WNT5B: variants seen among roughly 807,000 people sequenced by gnomAD.
The protein encoded by WNT5B is Wnt family member 5B, also known as protein Wnt-5b.
A neutral mutation model predicts 36.5 loss-of-function variants in WNT5B; 18 were observed. The ratio of observed to expected loss-of-function variants is 0.49; its 90% CI spans 0.34 to 0.73. The LOEUF (loss-of-function observed/expected upper bound fraction) is 0.73. Ranked by LOEUF, WNT5B falls within the 30% of genes least tolerant of loss-of-function variation. WNT5B has a pLI of 0.01. For missense variants in WNT5B, 424 were observed against 508.4 expected (o/e 0.83, Z 1.60); for synonymous variants, 213 against 212.3 (o/e 1.00, Z -0.03).
At chr12:1,640,727 G>T (rs1463434125) in intron 4 of WNT5B, among the ~76,000 whole-genome samples, 1 of 152,184 alleles carries the variant, frequency 6.6e-6, no homozygotes, top group Admixed American at 6.5e-5. Flanking sequence ...CCTGCACCTT[G>T]TTCCTGAAAA....
chr12:1,643,948 T>G (rs902461931), intron 4 of WNT5B, among the ~76,000 whole-genome samples: 14 of 152,114 alleles, frequency 9.2e-5, no homozygotes, highest in Non-Finnish European at 2.1e-4. Context: ...TTTGTTTTCC[T>G]AAAATTCTGG....
chr12:1,645,696 G>A (rs564970954), intron 4 of WNT5B, 98 bp from the exon 5 acceptor site: 35 of 1,128,528 alleles, frequency 3.1e-5, no homozygotes, highest in Middle Eastern at 5.5e-4. Flanking sequence ...CTACCCTACC[G>A]GCCCCTCCTG....
chr12:1,640,737 A>AC (rs1209347845), intron 4 of WNT5B, among the ~76,000 whole-genome samples: 1 of 151,466 alleles, frequency 6.6e-6, no homozygotes, highest in African/African-American at 2.4e-5. Context: ...GTTCCTGAAA[A>AC]CCCCCCCTCT....
intron 3 of WNT5B, among the ~76,000 whole-genome samples, chr12:1,634,547 G>A (rs973360201): frequency 2.6e-5 from 4 of 152,152 alleles, no homozygotes; most frequent in Non-Finnish European, 5.9e-5. Flanking sequence ...AAACCCTGTC[G>A]AAGAGAGCCC....
upstream of WNT5B, chr12:1,629,059 A>C (rs1453216022): frequency 6.6e-6 from 1 of 151,188 alleles, no homozygotes; most frequent in Non-Finnish European, 1.5e-5. Context: ...AAAAAAAAAA[A>C]CATTTTTAAT....
At chr12:1,640,865 A>G (rs2094573759) in intron 4 of WNT5B, among the ~76,000 whole-genome samples, 1 of 152,164 alleles carries the variant, frequency 6.6e-6, no homozygotes, top group Non-Finnish European at 1.5e-5. Flanking sequence ...CTGCATAGCC[A>G]GTGTTGACAG....
At position 1,644,532 on chromosome 12, in the gene WNT5B, C is replaced by A. The variant is rs1028322636; in HGVS notation, c.622-1262C>A. ...CTGATGATGGCTGTGCTGTCTCTTG[C>A]ACCTGCAGTGGTCTCTGCTTAGCTC... On this transcript the variant is annotated intron_variant, in intron 4 of 4. Coordinates refer to ENST00000397196, the MANE Select transcript of WNT5B (RefSeq NM_032642.3). The surrounding 1 kb of genome is among the most constrained non-coding windows in gnomAD (Gnocchi z 5.1). 3.9e-5 allele frequency among the ~76,000 whole-genome samples: 6 copies of A among 152,232 alleles called. No individual in the cohort carries two copies. The highest frequency in any genetic ancestry group is 7.3e-5 in the Non-Finnish European group (5 of 68,036).
chr12:1,641,705 G>T (rs928181512), intron 4 of WNT5B, among the ~76,000 whole-genome samples: 8 of 151,722 alleles, frequency 5.3e-5, no homozygotes, highest in African/African-American at 1.9e-4. Context: ...TTGGGAGGCC[G>T]AGGCAGGAGA....
intron 1 of WNT5B, among the ~76,000 whole-genome samples, chr12:1,621,180 A>G (rs149257509): frequency 5.3e-5 from 8 of 151,830 alleles, no homozygotes; most frequent in African/African-American, 1.9e-4. Flanking sequence ...AAAAAACACT[A>G]TAGAGATACA....
intron 3 of WNT5B, among the ~76,000 whole-genome samples, chr12:1,635,759 A>T (rs2094559435): frequency 6.6e-6 from 1 of 152,224 alleles, no homozygotes; most frequent in African/African-American, 2.4e-5. Context: ...CCATCTTACC[A>T]TCCCCAGTGC....
chr12:1,645,217 G>C (rs2094583175), intron 4 of WNT5B, among the ~76,000 whole-genome samples: 1 of 152,200 alleles, frequency 6.6e-6, no homozygotes, highest in African/African-American at 2.4e-5. Flanking sequence ...GCAAAAGCTG[G>C]ACACATTTTG....
At chr12:1,637,817 A>T (rs562735336) in intron 3 of WNT5B, among the ~76,000 whole-genome samples, 180 of 152,268 alleles carry the variant, frequency 1.2e-3, no homozygotes, top group South Asian at 2.3e-3. Context: ...ATTACATCTT[A>T]AAAAAAGTAC....
chr12:1,626,247 C>T (rs2094540824), upstream of WNT5B, among the ~76,000 whole-genome samples: 1 of 151,640 alleles, frequency 6.6e-6, no homozygotes, highest in East Asian at 1.9e-4. Flanking sequence ...GTGTGAGCTA[C>T]TGCACCTGGC....
intron 3 of WNT5B, among the ~76,000 whole-genome samples, chr12:1,634,837 T>G (rs2094557660): frequency 6.6e-6 from 1 of 152,152 alleles, no homozygotes; most frequent in East Asian, 1.9e-4. Context: ...AGCTTCTGCC[T>G]AGGGAGTTTG....
At chr12:1,642,559 G>C (rs1003969274) in intron 4 of WNT5B, among the ~76,000 whole-genome samples, 1 of 152,198 alleles carries the variant, frequency 6.6e-6, no homozygotes, top group Non-Finnish European at 1.5e-5. Flanking sequence ...ACACAGAGGA[G>C]TTCCGTGTTG....
rs1392739769 is a variant in WNT5B, at chr12:1,618,057, G to A, written c.-58+914G>A. Among the ~76,000 whole-genome samples the A allele has an allele frequency of 6.6e-6, 1 of 152,104 alleles. No homozygotes were observed. Among genetic ancestry groups the A allele is most frequent in the African/African-American group, 2.4e-5 (1 of 41,404 alleles). On this transcript the variant is annotated intron_variant, in intron 1 of 4. Transcript: ENST00000310594. The surrounding 1 kb of genome is among the most constrained non-coding windows in gnomAD (Gnocchi z 4.1). ...CTCAGGAGGCTGAGGTGGGAGGATC[G>A]CTTGAGCCCAGGAGTTCGAGGCTGC...
chr12:1,617,330 A>G (rs919754823), intron 1 of WNT5B, among the ~76,000 whole-genome samples: 1 of 150,590 alleles, frequency 6.6e-6, no homozygotes, highest in African/African-American at 2.4e-5. Flanking sequence ...TATAATATGT[A>G]TATTGAGGTC....
chr12:1,638,023 C>T (rs960122764), intron 3 of WNT5B, among the ~76,000 whole-genome samples: 1 of 152,142 alleles, frequency 6.6e-6, no homozygotes, highest in African/African-American at 2.4e-5. Flanking sequence ...CCCAGGCGGG[C>T]GGATCACGAG....
At chr12:1,619,069 G>A (rs1372252661) in intron 1 of WNT5B, among the ~76,000 whole-genome samples, 1 of 151,860 alleles carries the variant, frequency 6.6e-6, no homozygotes, top group Non-Finnish European at 1.5e-5. Context: ...TTTTCTTAAG[G>A]GCCAGAATTT....
Sources: allele counts gnomAD v4.1 joint callset (sites outside exome capture counted in the v4.1 genomes callset), GRCh38; gene constraint gnomAD v4.1.1; non-coding constraint Gnocchi (gnomAD v3.1); transcripts MANE v1.5; gene names NCBI Gene and HGNC (gene_info 2026-07-23, HGNC 2026-07-21).